Variants in CYP27A1 observed in about 807,000 individuals in gnomAD.
CYP27A1 encodes cytochrome P450 family 27 subfamily A member 1.
CYP27A1 carries 46 observed loss-of-function variants against 58.2 expected under a neutral mutation model. The observed-to-expected ratio is 0.79, with a 90% CI of 0.62 to 1.01. The LOEUF (loss-of-function observed/expected upper bound fraction) is 1.01, where lower values mean the gene tolerates loss of function less well. Among genes scored for constraint, CYP27A1 ranks in the 50% least tolerant of loss-of-function variants. The pLI, the probability that CYP27A1 is intolerant of heterozygous loss-of-function variation, is 0.00. For synonymous variants in CYP27A1, 274 were observed against 285.1 expected, an observed-to-expected ratio of 0.96 and a Z score of 0.39; for missense variants, 704 against 687.0, an observed-to-expected ratio of 1.02 and a Z score of -0.28.
intron 1 of CYP27A1, among the ~76,000 whole-genome samples, chr2:218,809,074 G>C (rs1943681484): frequency 6.6e-6 from 1 of 152,002 alleles, no homozygotes; most frequent in Non-Finnish European, 1.5e-5. Flanking sequence ...TTCTCATCCA[G>C]CTTATTGTTT....
chr2:218,804,343 A>C (rs2105976779), intron 1 of CYP27A1, among the ~76,000 whole-genome samples: 1 of 152,332 alleles, frequency 6.6e-6, no homozygotes, highest in East Asian at 1.9e-4. Context: ...GTCAAAAATC[A>C]GTTGACTGTA....
chr2:218,789,079 C>T (rs1943466965), intron 1 of CYP27A1, among the ~76,000 whole-genome samples: 1 of 152,178 alleles, frequency 6.6e-6, no homozygotes, highest in Non-Finnish European at 1.5e-5. Context: ...TGAATCATAG[C>T]AATTTAGCAT....
At chr2:218,783,143 G>A (rs1395192226) in intron 1 of CYP27A1, among the ~76,000 whole-genome samples, 1 of 151,248 alleles carries the variant, frequency 6.6e-6, no homozygotes, top group African/African-American at 2.4e-5. Context: ...TGTAATCCCA[G>A]CTACTAGGGA....
At chr2:218,802,252 G>T (rs1288587222) in intron 1 of CYP27A1, among the ~76,000 whole-genome samples, 1 of 151,486 alleles carries the variant, frequency 6.6e-6, no homozygotes, top group Admixed American at 6.6e-5. Flanking sequence ...TTGTCCAAGT[G>T]TGCGCTCACC....
chr2:218,792,954 A>AT (rs1387643018), intron 1 of CYP27A1, among the ~76,000 whole-genome samples: 1 of 152,228 alleles, frequency 6.6e-6, no homozygotes. Context: ...CTGAAATCTG[A>AT]TTTTTGGGAA....
intron 1 of CYP27A1, among the ~76,000 whole-genome samples, chr2:218,788,044 C>G (rs80139852): frequency 0.026 from 3,946 of 152,310 alleles, 177 homozygotes; most frequent in African/African-American, 0.09. Context: ...AATGACTTAT[C>G]TCTGCTTCAT....
chr2:218,814,386 C>T lies in CYP27A1; in HGVS notation c.1191C>T (p.Tyr397=). 1 of 1,614,116 alleles carries T rather than the reference C, an allele frequency of 6.2e-7. No individual in the cohort carries two copies. The change falls in exon 7 of 9, where the codon TAC becomes TAT. Residue 397 remains tyrosine (Y), a synonymous_variant. Coordinates refer to ENST00000258415, the MANE Select transcript of CYP27A1 (RefSeq NM_000784.4). ...KAVLKETLRL[Y]PVVPTNSRII... ...GACATTCTTTTCCCTGCAGTCTCTACCCTGTGGTCCCCACAAACTCCCGGA... is the reference window on the plus strand; with the variant it reads ...GACATTCTTTTCCCTGCAGTCTCTATCCTGTGGTCCCCACAAACTCCCGGA...
chr2:218,812,161 T>A, intron 2 of CYP27A1, 61 bp from the exon 3 acceptor site: 1 of 1,302,580 alleles, frequency 7.7e-7, no homozygotes, highest in Non-Finnish European at 1.1e-6. Context: ...GGTGAGAAGA[T>A]CTCCCTTAAT....
chr2:218,812,215 C>T lies in CYP27A1; in HGVS notation c.447-7C>T, dbSNP rs746321278. ...TATCTTTGTGCTGTTCCTCTGCGTC[C>T]CTGCAGGGAAGGACACCACTGGTAC... On this transcript the variant is annotated splice_polypyrimidine_tract_variant and splice_region_variant and intron_variant, in intron 2 of 8. Coordinates refer to ENST00000258415, the MANE Select transcript of CYP27A1 (RefSeq NM_000784.4). 1.1e-5 allele frequency: 17 copies of T among 1,613,026 alleles called. No individual in the cohort carries two copies. The highest frequency in any genetic ancestry group is 1.6e-4 in the Middle Eastern group (1 of 6,082).
chr2:218,806,825 A>G (rs1051140970), intron 1 of CYP27A1, among the ~76,000 whole-genome samples: 11 of 152,182 alleles, frequency 7.2e-5, no homozygotes, highest in African/African-American at 2.4e-4. Flanking sequence ...ATGAGCTAAT[A>G]TAAGTAAAAT....
intron 1 of CYP27A1, among the ~76,000 whole-genome samples, chr2:218,801,687 C>T (rs1943601326): frequency 6.6e-6 from 1 of 151,952 alleles, no homozygotes; most frequent in African/African-American, 2.4e-5. Context: ...TAAGATTGGA[C>T]CTATTTTCTG....
chr2:218,814,994 G>C lies in CYP27A1; in HGVS notation c.1560G>C (p.Lys520Asn). 1 of 1,614,234 alleles carries C rather than the reference G, an allele frequency of 6.2e-7. No homozygotes were observed. The highest frequency in any genetic ancestry group is 1.7e-5 in the Admixed American group (1 of 60,028). ...SVARIVLVPN[K>N]KVGLQFLQRQ... ...CCCGCATTGTCCTGGTTCCCAATAA[G>C]AAAGTGGGCCTGCAGTTCCTGCAGA... The change falls in exon 9 of 9, where the codon AAG becomes AAC. Residue 520 changes from lysine to asparagine, a missense_variant. Coordinates refer to ENST00000258415, the MANE Select transcript of CYP27A1 (RefSeq NM_000784.4).
intron 1 of CYP27A1, among the ~76,000 whole-genome samples, chr2:218,805,598 G>T (rs989432561): frequency 2.7e-5 from 2 of 73,284 alleles, no homozygotes; most frequent in African/African-American, 1.3e-4. Flanking sequence ...GCTTACTGCT[G>T]TATCCCTAGG....
At chr2:218,805,818 C>T (rs1340130680) in intron 1 of CYP27A1, 1 of 152,152 alleles carries the variant, frequency 6.6e-6, no homozygotes, top group Admixed American at 6.5e-5. Context: ...ACAGACACAG[C>T]ACGCATCTCT....
intron 3 of CYP27A1, 48 bp downstream of exon 3, chr2:218,812,469 G>C (rs758770190): frequency 6.2e-7 from 1 of 1,609,734 alleles, no homozygotes; most frequent in Non-Finnish European, 8.5e-7. Context: ...GTCAGGGAGA[G>C]GTTGTGCTCC....
intron 1 of CYP27A1, among the ~76,000 whole-genome samples, chr2:218,786,023 ACTTACAGTCC>A (rs1215750444): frequency 6.6e-6 from 1 of 152,200 alleles, no homozygotes; most frequent in Non-Finnish European, 1.5e-5. Context: ...GATGGCACAA[ACTTACAGTCC>A]CCCAGCTACT....
At chr2:218,793,798 T>G (rs1943519431) in intron 1 of CYP27A1, among the ~76,000 whole-genome samples, 1 of 150,956 alleles carries the variant, frequency 6.6e-6, no homozygotes, top group South Asian at 2.1e-4. Flanking sequence ...CACTGCAACC[T>G]CCGCCCCCAG....
At chr2:218,804,062 TTATC>T (rs951525645) in intron 1 of CYP27A1, among the ~76,000 whole-genome samples, 4 of 116,008 alleles carry the variant, frequency 3.4e-5, no homozygotes, top group Admixed American at 2.5e-4. Flanking sequence ...GAAGAACTAT[TTATC>T]TATTTAAAAA....
chr2:218,803,872 A>G (rs1485874591), intron 1 of CYP27A1, among the ~76,000 whole-genome samples: 1 of 151,472 alleles, frequency 6.6e-6, no homozygotes, highest in Non-Finnish European at 1.5e-5. Context: ...AGCTGGGACT[A>G]CAAGCATGCG....
Sources: gnomAD v4.1 joint callset for allele counts (sites outside exome capture counted in the v4.1 genomes callset) on GRCh38, gnomAD v4.1.1 for gene constraint, MANE v1.5 for transcripts, NCBI Gene and HGNC (gene_info 2026-07-23, HGNC 2026-07-21) for gene names.